Variants in CRIP2 observed in about 807,000 individuals in gnomAD.
The protein encoded by CRIP2 is cysteine-rich protein 2.
Under a neutral mutation model 31.3 loss-of-function variants are expected in CRIP2, and 31 were observed. That is an observed-to-expected ratio of 0.99 (90% confidence interval 0.74 to 1.34). The LOEUF (loss-of-function observed/expected upper bound fraction) is 1.34, where lower values mean the gene tolerates loss of function less well. CRIP2 is among the 40% of genes most tolerant of loss of function. The probability of loss-of-function intolerance (pLI) is 0.00; values close to 1 mark genes in which losing one functional copy is unlikely to be tolerated. For missense variants in CRIP2, 389 were observed against 301.6 expected (o/e 1.29, Z -2.15); for synonymous variants, 177 against 127.2 (o/e 1.39, Z -2.63).
Position 105,478,871 on chromosome 14 carries a change from GGT to G in CRIP2, c.337+2_337+3del, listed in dbSNP as rs2084016680. The G allele has an allele frequency of 6.9e-7, 1 of 1,440,212 alleles. No individual in the cohort carries two copies. The highest frequency in any genetic ancestry group is 9.0e-7 in the Non-Finnish European group (1 of 1,108,024). 89.2% of individuals were successfully genotyped at this position (1,440,212 alleles called of 1,614,324 possible). On this transcript the variant is annotated splice_donor_variant, in intron 4 of 7. Transcript: ENST00000329146. LOFTEE classifies it high-confidence loss of function. This position sits in a 1 kb window ranked among gnomAD's most constrained non-coding sequence, Gnocchi z 4.9. ...CGGCCCCCCGAAGGGGCCCAGCAGA[GGT>G]GGGCTGGGCGCGGGCTGGGGCTGGG... is the stretch of plus-strand genomic sequence containing the variant.
At position 105,480,085 on chromosome 14, in the gene CRIP2, C is replaced by T. The variant is rs1478452630; in HGVS notation, c.*432C>T. The stretch of plus-strand genomic sequence containing the variant: ...ATCCCCTGCCTGGTGCCCACACTGC[C>T]TCGCAAGCGCTCGCCACCCTCACGT... On this transcript the variant is annotated 3_prime_UTR_variant, in exon 8 of 8. Coordinates refer to ENST00000329146, the MANE Select transcript of CRIP2 (RefSeq NM_001312.4). 4.4e-5 allele frequency: 9 copies of T among 203,116 alleles called. No individual in the cohort carries two copies. Among genetic ancestry groups the T allele is most frequent in the South Asian group, 3.3e-4 (4 of 11,966 alleles). The allele number at this position is 203,116 out of a possible 1,614,324, so 12.6% of individuals were successfully genotyped here. A position where few individuals can be genotyped will look rare whatever the true frequency, so the allele number is the denominator to read the frequency against.
upstream of CRIP2, among the ~76,000 whole-genome samples, chr14:105,473,947 G>A (rs2083882358): frequency 6.6e-6 from 1 of 152,148 alleles, no homozygotes; most frequent in South Asian, 2.1e-4. Context: ...GGCACAGAGG[G>A]CACGCCCACT....
chr14:105,477,462 T>C (rs747202471), intron 1 of CRIP2: 23 of 984,918 alleles, frequency 2.3e-5, no homozygotes, highest in Non-Finnish European at 2.8e-5. Context: ...CTGGAGGTTC[T>C]GGGGCTGCAC....
chr14:105,479,576 C>G lies in CRIP2; in HGVS notation c.560-10C>G, dbSNP rs587609534. 8 of 1,612,712 alleles carry G rather than the reference C, an allele frequency of 5.0e-6. No homozygotes were observed. The African/African-American group carries it at 9.3e-5, about 19-fold the overall frequency. On this transcript the variant is annotated splice_polypyrimidine_tract_variant and intron_variant, in intron 7 of 7. Transcript: ENST00000329146. ...TTCCCCCGACCCACCCCAGCGGCCTCCCTCCACAGGAGTGAACACCGGTGC... is the reference window on the plus strand; with the variant it reads ...TTCCCCCGACCCACCCCAGCGGCCTGCCTCCACAGGAGTGAACACCGGTGC...
In CRIP2 at chr14:105,478,519, C is replaced by T. The variant is rs781856984; in HGVS notation, c.196+12C>T. ...GTTCGGACCCAAAGGTGAGCTCCGG[C>T]TGCCCTCGGCCTGCCCTGGGACCTG... On this transcript the variant is annotated intron_variant, in intron 3 of 7. Coordinates refer to ENST00000329146, the MANE Select transcript of CRIP2 (RefSeq NM_001312.4). This position sits in a 1 kb window ranked among gnomAD's most constrained non-coding sequence, Gnocchi z 4.9. The T allele has an allele frequency of 6.2e-7, 1 of 1,606,310 alleles. No individual in the cohort carries two copies. Among genetic ancestry groups the T allele is most frequent in the Admixed American group, 1.7e-5 (1 of 59,586 alleles).
chr14:105,474,869 TC>T lies in CRIP2; in HGVS notation c.9del (p.Lys4AsnfsTer15). 1 of 1,511,324 alleles carries T rather than the reference TC, an allele frequency of 6.6e-7. No individual in the cohort carries two copies. Among genetic ancestry groups the T allele is most frequent in the Non-Finnish European group, 8.9e-7 (1 of 1,128,812 alleles). 93.6% of individuals were successfully genotyped at this position (1,511,324 alleles called of 1,614,324 possible). On this transcript the variant is annotated frameshift_variant, in exon 1 of 8. Coordinates refer to ENST00000329146, the MANE Select transcript of CRIP2 (RefSeq NM_001312.4). LOFTEE classifies it high-confidence loss of function. The surrounding 1 kb of genome is among the most constrained non-coding windows in gnomAD (Gnocchi z 5.1). ...CCGACCGGGCGCACCGACCATGGCC[TC>T]CAAATGCCCCAAGTGCGACAAGACC... is the stretch of plus-strand genomic sequence containing the variant. MA[S>X]KCPKCDKTVY...
rs1295537808 is a variant in CRIP2 at position 105,478,914 on chromosome 14, C to T, written c.337+43C>T. 19 of 1,494,642 alleles carry T rather than the reference C, an allele frequency of 1.3e-5. No individual in the cohort carries two copies. Among genetic ancestry groups the T allele is most frequent in the African/African-American group, 2.9e-5 (2 of 70,086 alleles). 92.6% of individuals were successfully genotyped at this position (1,494,642 alleles called of 1,614,324 possible). A position where few individuals can be genotyped will look rare whatever the true frequency, so the allele number is the denominator to read the frequency against. ...TGGGGCTGGGGGTTGTGGGCACGCG[C>T]GGGCTGGGGCTGGGGGTTGTGGGCA... On this transcript the variant is annotated intron_variant, in intron 4 of 7. Transcript: ENST00000329146. This position sits in a 1 kb window ranked among gnomAD's most constrained non-coding sequence, Gnocchi z 4.9.
upstream of CRIP2, chr14:105,474,741 G>A (rs1380965414): frequency 2.9e-6 from 3 of 1,052,334 alleles, no homozygotes; most frequent in East Asian, 2.3e-4. The surrounding 1 kb of genome is among the most constrained non-coding windows in gnomAD (Gnocchi z 5.1). Context: ...GGGTTATCGA[G>A]GCCCCGCCCC....
chr14:105,475,051 C>A, intron 1 of CRIP2, 146 bp downstream of exon 1: 1 of 1,033,828 alleles, frequency 9.7e-7, no homozygotes, highest in South Asian at 3.1e-5. Context: ...TGGCTGGCCG[C>A]GCTGCCCAAG....
Position 105,478,654 on chromosome 14 carries a change from G to A in CRIP2, c.197-77G>A. On this transcript the variant is annotated intron_variant, in intron 3 of 7. Transcript: ENST00000329146. The surrounding 1 kb of genome is among the most constrained non-coding windows in gnomAD (Gnocchi z 4.9). ...AAAGCCTAGTGCCCCCCAGTCCCCA[G>A]CGGGCCGTTTTCTGAGATGCCCGGT... 1 of 1,465,314 alleles carries A rather than the reference G, an allele frequency of 6.8e-7. No individual in the cohort carries two copies. Among genetic ancestry groups the A allele is most frequent in the Non-Finnish European group, 9.0e-7 (1 of 1,108,808 alleles). The allele number at this position is 1,465,314 out of a possible 1,614,324, so 90.8% of individuals were successfully genotyped here.
Position 105,478,846 on chromosome 14 carries a change from C to T in CRIP2, c.312C>T (p.Ser104=). Residue 104 remains serine (S), a synonymous_variant, in exon 4 of 8, where the codon AGC becomes AGT. Coordinates refer to ENST00000329146, the MANE Select transcript of CRIP2 (RefSeq NM_001312.4). The surrounding 1 kb of genome is among the most constrained non-coding windows in gnomAD (Gnocchi z 4.9). ...PAARAEERKA[S]GPPKGPSRAS... The stretch of plus-strand genomic sequence containing the variant: ...CCCGAGCAGAGGAGCGGAAGGCGAG[C>T]GGCCCCCCGAAGGGGCCCAGCAGAG... 5 of 1,425,702 alleles carry T rather than the reference C, an allele frequency of 3.5e-6. No individual in the cohort carries two copies. Among genetic ancestry groups the T allele is most frequent in the Non-Finnish European group, 4.5e-6 (5 of 1,100,284 alleles). The allele number at this position is 1,425,702 out of a possible 1,614,324, so 88.3% of individuals were successfully genotyped here. A position where few individuals can be genotyped will look rare whatever the true frequency, so the allele number is the denominator to read the frequency against.
chr14:105,473,578 C>T, upstream of CRIP2: 1 of 1,480,974 alleles, frequency 6.8e-7, no homozygotes, highest in East Asian at 2.5e-5. Flanking sequence ...AGTCAGCTGC[C>T]CCCATAGGGC....
chr14:105,478,899 G>C lies in CRIP2; in HGVS notation c.337+28G>C. The C allele has an allele frequency of 6.8e-7, 1 of 1,477,642 alleles. No individual in the cohort carries two copies. Among genetic ancestry groups the C allele is most frequent in the Non-Finnish European group, 8.9e-7 (1 of 1,121,996 alleles). 91.5% of individuals were successfully genotyped at this position (1,477,642 alleles called of 1,614,324 possible). A position where few individuals can be genotyped will look rare whatever the true frequency, so the allele number is the denominator to read the frequency against. On this transcript the variant is annotated intron_variant, in intron 4 of 7. Transcript: ENST00000329146. The surrounding 1 kb of genome is among the most constrained non-coding windows in gnomAD (Gnocchi z 4.9). Reference sequence around the variant, plus strand: ...GGGCTGGGCGCGGGCTGGGGCTGGGGGTTGTGGGCACGCGCGGGCTGGGGC... The same window carrying C: ...GGGCTGGGCGCGGGCTGGGGCTGGGCGTTGTGGGCACGCGCGGGCTGGGGC...
In CRIP2 at chr14:105,478,624, C is replaced by A; in HGVS notation, c.197-107C>A. On this transcript the variant is annotated intron_variant, in intron 3 of 7. Transcript: ENST00000329146. This position sits in a 1 kb window ranked among gnomAD's most constrained non-coding sequence, Gnocchi z 4.9. Reference sequence around the variant, plus strand: ...GATCCCCGCCCAGAGTCCCTGCCACCCTGGAAAGCCTAGTGCCCCCCAGTC... The same window carrying A: ...GATCCCCGCCCAGAGTCCCTGCCACACTGGAAAGCCTAGTGCCCCCCAGTC... The A allele has an allele frequency of 2.7e-6, 4 of 1,501,980 alleles. No homozygotes were observed. The South Asian group carries it at 4.9e-5, about 18-fold the overall frequency. 93.0% of individuals were successfully genotyped at this position (1,501,980 alleles called of 1,614,324 possible).
chr14:105,478,308 GCCT>G lies in CRIP2; in HGVS notation c.88_90del (p.Leu30del). On this transcript the variant is annotated inframe_deletion, in exon 2 of 8. Transcript: ENST00000329146. The surrounding 1 kb of genome is among the most constrained non-coding windows in gnomAD (Gnocchi z 4.9). ...CTGGGGAAGGACTGGCACAAGTTCTGCCTCAAGTGCGAGCGCTGCAGCAAGACG... is the reference window on the plus strand; with the variant it reads ...CTGGGGAAGGACTGGCACAAGTTCTGCAAGTGCGAGCGCTGCAGCAAGACG... 1 of 1,573,102 alleles carries G rather than the reference GCCT, an allele frequency of 6.4e-7. No individual in the cohort carries two copies. The highest frequency in any genetic ancestry group is 8.6e-7 in the Non-Finnish European group (1 of 1,161,904).
At chr14:105,474,561 A>AGCCGGGGCGCG (rs1484029426), upstream of CRIP2, 1 of 144,640 alleles carries the variant, frequency 6.9e-6, no homozygotes, top group African/African-American at 2.6e-5. This position sits in a 1 kb window ranked among gnomAD's most constrained non-coding sequence, Gnocchi z 5.1. Flanking sequence ...CCATGGAAAC[A>AGCCGGGGCGCG]GCCGGGGCGC....
chr14:105,476,928 GC>G (rs2083943880), intron 1 of CRIP2: 1 of 270,714 alleles, frequency 3.7e-6, no homozygotes, highest in Non-Finnish European at 5.7e-6. Flanking sequence ...CCATCTCACT[GC>G]CAGGAGCAGC....
At chr14:105,473,019 C>T (rs1006668523), upstream of CRIP2, 2 of 607,530 alleles carry the variant, frequency 3.3e-6, no homozygotes, top group Non-Finnish European at 2.9e-6. Flanking sequence ...TTCAGCCAGC[C>T]CTGTCCTCCA....
intron 1 of CRIP2, chr14:105,477,156 A>T: frequency 1.9e-6 from 1 of 517,506 alleles, no homozygotes; most frequent in Non-Finnish European, 2.5e-6. Flanking sequence ...TTCCCTTCAG[A>T]ATTCCGGCTC....
Sources: gnomAD v4.1 joint callset for allele counts (sites outside exome capture counted in the v4.1 genomes callset) on GRCh38, gnomAD v4.1.1 for gene constraint, Gnocchi (gnomAD v3.1) non-coding constraint, MANE v1.5 for transcripts, NCBI Gene and HGNC (gene_info 2026-07-23, HGNC 2026-07-21) for gene names.